The following PACRG variants were observed in gnomAD, a reference collection of about 807,000 sequenced individuals.
The protein encoded by PACRG is parkin coregulated gene protein.
In PACRG, 29 loss-of-function variants were observed where a neutral mutation model predicts 29.7. The observed-to-expected ratio is 0.98, with a 90% CI of 0.73 to 1.33. PACRG has a LOEUF of 1.33. Among genes scored for constraint, PACRG ranks in the 40% most tolerant of loss-of-function variants. The pLI, the probability that PACRG is intolerant of heterozygous loss-of-function variation, is 0.00. For synonymous variants in PACRG, 116 were observed against 118.7 expected, an observed-to-expected ratio of 0.98 and a Z score of 0.15; for missense variants, 279 against 316.2, an observed-to-expected ratio of 0.88 and a Z score of 0.89.
At chr6:162,837,287 T>G (rs1012941558) in intron 2 of PACRG, among the ~76,000 whole-genome samples, 16 of 152,122 alleles carry the variant, frequency 1.1e-4, no homozygotes, top group African/African-American at 3.9e-4. Flanking sequence ...ACCGAGTATA[T>G]ATGTAACACG....
At chr6:162,827,279 C>T (rs1788368345) in intron 2 of PACRG, among the ~76,000 whole-genome samples, 1 of 152,114 alleles carries the variant, frequency 6.6e-6, no homozygotes, top group Non-Finnish European at 1.5e-5. Context: ...AATTTCAACA[C>T]TGCATTATTC....
intron 4 of PACRG, among the ~76,000 whole-genome samples, chr6:163,206,947 A>AT (rs1029616440): frequency 6.6e-6 from 1 of 151,702 alleles, no homozygotes; most frequent in African/African-American, 2.4e-5. Context: ...ATCATACTTC[A>AT]TTTTTTTTCT....
intron 2 of PACRG, among the ~76,000 whole-genome samples, chr6:162,880,122 C>T (rs1305680292): frequency 6.6e-6 from 1 of 152,212 alleles, no homozygotes; most frequent in Non-Finnish European, 1.5e-5. Flanking sequence ...TTTCAGCCAG[C>T]AGGCCTGTAC....
At chr6:162,922,195 G>C (rs966816097) in intron 2 of PACRG, among the ~76,000 whole-genome samples, 1 of 150,582 alleles carries the variant, frequency 6.6e-6, no homozygotes, top group African/African-American at 2.4e-5. Flanking sequence ...AGAGGGAGCA[G>C]TGCCTGGGGG....
At chr6:163,230,737 A>C (rs908336387) in intron 4 of PACRG, among the ~76,000 whole-genome samples, 1 of 152,246 alleles carries the variant, frequency 6.6e-6, no homozygotes, top group Admixed American at 6.5e-5. Context: ...ACAAATGAAG[A>C]ACGCAGGATG....
chr6:163,272,642 AC>A (rs1783875457), intron 4 of PACRG, among the ~76,000 whole-genome samples: 1 of 152,108 alleles, frequency 6.6e-6, no homozygotes, highest in South Asian at 2.1e-4. Context: ...ATATGTCTCC[AC>A]CAAGCAGGGT....
At chr6:162,779,898 G>A (rs1247315469) in intron 1 of PACRG, among the ~76,000 whole-genome samples, 1 of 152,172 alleles carries the variant, frequency 6.6e-6, no homozygotes, top group Non-Finnish European at 1.5e-5. Flanking sequence ...AAACAGATGA[G>A]GTGAGACCTA....
intron 2 of PACRG, among the ~76,000 whole-genome samples, chr6:163,008,418 G>A (rs983189071): frequency 6.6e-6 from 1 of 151,982 alleles, no homozygotes; most frequent in Non-Finnish European, 1.5e-5. Context: ...GTGGGATCTT[G>A]TTGTGACCAG....
At chr6:163,099,758 G>A (rs1277353220) in intron 4 of PACRG, among the ~76,000 whole-genome samples, 2 of 152,204 alleles carry the variant, frequency 1.3e-5, no homozygotes, top group Admixed American at 1.3e-4. Flanking sequence ...TTTAAAGGGG[G>A]TGAGAGACAA....
intron 2 of PACRG, among the ~76,000 whole-genome samples, chr6:162,888,835 A>G (rs917256531): frequency 1.1e-4 from 17 of 152,192 alleles, no homozygotes; most frequent in African/African-American, 3.9e-4. Context: ...TTTCTCCTGA[A>G]AAACCCTTCC....
chr6:163,311,134 G>T (rs2128193693), intron 4 of PACRG, among the ~76,000 whole-genome samples: 1 of 152,224 alleles, frequency 6.6e-6, no homozygotes, highest in East Asian at 1.9e-4. Context: ...TCTTAACCAA[G>T]AACAACTTTG....
intron 1 of PACRG, among the ~76,000 whole-genome samples, chr6:162,734,177 A>G (rs965111841): frequency 6.6e-6 from 1 of 152,236 alleles, no homozygotes; most frequent in Non-Finnish European, 1.5e-5. Flanking sequence ...TCTAGAAATG[A>G]GAATAATTTG....
intron 2 of PACRG, among the ~76,000 whole-genome samples, chr6:162,839,903 T>C (rs1375887189): frequency 7.1e-6 from 1 of 141,212 alleles, no homozygotes; most frequent in African/African-American, 2.6e-5. Context: ...CAGATAGTTG[T>C]AGATATGCGG....
intron 4 of PACRG, among the ~76,000 whole-genome samples, chr6:163,279,570 C>T (rs561519819): frequency 3.9e-5 from 6 of 152,060 alleles, no homozygotes; most frequent in Non-Finnish European, 7.4e-5. Flanking sequence ...TTTTCATTTT[C>T]TCCAGTAGTC....
intron 2 of PACRG, among the ~76,000 whole-genome samples, chr6:162,960,623 AG>A (rs1326638758): frequency 1.3e-5 from 2 of 152,206 alleles, no homozygotes; most frequent in Non-Finnish European, 2.9e-5. Context: ...GGAAGGGAGA[AG>A]CGTGCGGGTT....
rs761885197 is a variant in PACRG, at chr6:163,280,746, C to T, written c.614-34081C>T. Among the ~76,000 whole-genome samples, 14 of 152,198 alleles carry T rather than the reference C, an allele frequency of 9.2e-5. No homozygotes were observed. The Middle Eastern group carries it at 0.01, about 112-fold the overall frequency. On this transcript the variant is annotated intron_variant, in intron 4 of 4. Coordinates refer to ENST00000366888, the MANE Select transcript of PACRG (RefSeq NM_001080379.2). ...TGGATGCATGTGCACAGGGAGAGAG[C>T]GGGAGCAAGCTTTCTGGCACCTCCT...
intron 2 of PACRG, among the ~76,000 whole-genome samples, chr6:162,844,300 G>A (rs1206285504): frequency 6.6e-6 from 1 of 152,232 alleles, no homozygotes; most frequent in Admixed American, 6.5e-5. Flanking sequence ...TAATCTCATG[G>A]TGCGCCGTTT....
At chr6:162,917,504 G>A (rs1319346138) in intron 2 of PACRG, among the ~76,000 whole-genome samples, 2 of 152,084 alleles carry the variant, frequency 1.3e-5, no homozygotes, top group Admixed American at 1.3e-4. Flanking sequence ...TGTAGTCAGG[G>A]GACAGCTGTC....
intron 4 of PACRG, among the ~76,000 whole-genome samples, chr6:163,261,351 C>G (rs533873420): frequency 6.6e-6 from 1 of 152,056 alleles, no homozygotes; most frequent in Non-Finnish European, 1.5e-5. Flanking sequence ...CCTATCAACC[C>G]GTCATCTAGG....
Sources: gnomAD v4.1 joint callset for allele counts (sites outside exome capture counted in the v4.1 genomes callset) on GRCh38, gnomAD v4.1.1 for gene constraint, MANE v1.5 for transcripts, NCBI Gene and HGNC (gene_info 2026-07-23, HGNC 2026-07-21) for gene names.